The following EBF1 variants were observed in gnomAD, a reference collection of about 807,000 sequenced individuals.
EBF1 encodes the protein transcription factor COE1.
EBF1 carries 10 observed loss-of-function variants against 68.4 expected under a neutral mutation model. The observed-to-expected ratio is 0.15, with a 90% CI of 0.09 to 0.25. The LOEUF (loss-of-function observed/expected upper bound fraction) is 0.25. EBF1 is among the 10% of genes least tolerant of loss of function. The pLI, the probability that EBF1 is intolerant of heterozygous loss-of-function variation, is 1.00. For missense variants in EBF1, 509 were observed against 794.4 expected (o/e 0.64, Z 4.32); for synonymous variants, 298 against 299.8 (o/e 0.99, Z 0.06).
intron 8 of EBF1, among the ~76,000 whole-genome samples, chr5:158,810,023 A>G (rs1782346574): frequency 6.6e-6 from 1 of 152,200 alleles, no homozygotes; most frequent in Admixed American, 6.5e-5. Flanking sequence ...TAACCAAATC[A>G]AGGAGAGTTT....
At chr5:159,078,780 A>C (rs1779247713) in intron 5 of EBF1, among the ~76,000 whole-genome samples, 1 of 152,216 alleles carries the variant, frequency 6.6e-6, no homozygotes, top group Non-Finnish European at 1.5e-5. Flanking sequence ...TTTCCTCAGC[A>C]GGATTGTGTG....
chr5:159,064,156 G>A (rs1386720279), intron 6 of EBF1, among the ~76,000 whole-genome samples: 1 of 152,090 alleles, frequency 6.6e-6, no homozygotes, highest in Non-Finnish European at 1.5e-5. Context: ...ATGCATATAT[G>A]TGTGTGTATA....
At chr5:158,793,128 A>C (rs778620172) in intron 9 of EBF1, among the ~76,000 whole-genome samples, 100 of 152,180 alleles carry the variant, frequency 6.6e-4, no homozygotes, top group Non-Finnish European at 1.2e-3. Context: ...CCAAGCTTCA[A>C]TTTCCTCATC....
chr5:158,815,163 G>T (rs781087668), intron 8 of EBF1, among the ~76,000 whole-genome samples: 9 of 152,184 alleles, frequency 5.9e-5, no homozygotes, highest in Non-Finnish European at 1.2e-4. Context: ...CTTAATTGCT[G>T]TGTGACTTTA....
intron 6 of EBF1, among the ~76,000 whole-genome samples, chr5:158,923,388 T>C (rs1220023077): frequency 6.6e-6 from 1 of 152,238 alleles, no homozygotes; most frequent in African/African-American, 2.4e-5. Flanking sequence ...TATTTAATGA[T>C]GAAAATGAAT....
intron 7 of EBF1, among the ~76,000 whole-genome samples, chr5:158,833,981 T>C (rs953457463): frequency 6.6e-6 from 1 of 152,240 alleles, no homozygotes; most frequent in African/African-American, 2.4e-5. Context: ...CTATTTACAT[T>C]CATATATAGT....
chr5:158,991,391 A>G (rs1243521221), intron 6 of EBF1, among the ~76,000 whole-genome samples: 1 of 152,250 alleles, frequency 6.6e-6, no homozygotes, highest in African/African-American at 2.4e-5. Flanking sequence ...TAGACATTCC[A>G]TTGAATAAAG....
intron 7 of EBF1, among the ~76,000 whole-genome samples, chr5:158,828,543 T>C (rs1479739642): frequency 1.3e-5 from 2 of 152,192 alleles, no homozygotes. Context: ...GATACAATTT[T>C]ATAGAACTAA....
intron 6 of EBF1, among the ~76,000 whole-genome samples, chr5:159,049,006 T>C (rs899017561): frequency 1.4e-4 from 22 of 152,246 alleles, no homozygotes; most frequent in Non-Finnish European, 2.9e-4. Context: ...ATAATGTACA[T>C]GGCATCCCAA....
At chr5:159,083,698 G>A (rs1780119493) in intron 5 of EBF1, among the ~76,000 whole-genome samples, 1 of 152,232 alleles carries the variant, frequency 6.6e-6, no homozygotes. Context: ...TCCATGCTGA[G>A]GCAGCAGCTG....
intron 5 of EBF1, among the ~76,000 whole-genome samples, chr5:159,083,723 T>C (rs1393493755): frequency 6.6e-6 from 1 of 152,144 alleles, no homozygotes; most frequent in African/African-American, 2.4e-5. Context: ...CCTAAACGGA[T>C]TGGTCAGTAA....
chr5:159,084,554 G>T, intron 5 of EBF1, 112 bp downstream of exon 5: 1 of 873,122 alleles, frequency 1.1e-6, no homozygotes, highest in Non-Finnish European at 1.6e-6. Context: ...GTCTATAGAA[G>T]CAAGACAAAT....
intron 9 of EBF1, among the ~76,000 whole-genome samples, chr5:158,786,572 C>G (rs900518874): frequency 6.6e-6 from 1 of 152,216 alleles, no homozygotes; most frequent in South Asian, 2.1e-4. Flanking sequence ...AGGAGAGCAT[C>G]AGACACCAGC....
intron 8 of EBF1, among the ~76,000 whole-genome samples, chr5:158,819,210 C>T (rs1333378043): frequency 1.3e-5 from 2 of 152,210 alleles, no homozygotes; most frequent in African/African-American, 2.4e-5. Flanking sequence ...CCTGACAAAG[C>T]CACTAGAGTG....
intron 6 of EBF1, among the ~76,000 whole-genome samples, chr5:158,937,763 G>A (rs1192766879): frequency 1.3e-5 from 2 of 152,308 alleles, no homozygotes; most frequent in Admixed American, 6.5e-5. Flanking sequence ...ATCTGCCTGG[G>A]CAGGGGGTGG....
At chr5:158,895,994 A>C (rs1376338270) in intron 6 of EBF1, among the ~76,000 whole-genome samples, 1 of 152,310 alleles carries the variant, frequency 6.6e-6, no homozygotes, top group African/African-American at 2.4e-5. Flanking sequence ...GGAATTCCCA[A>C]TTACTGTATA....
At chr5:158,793,328 G>A (rs1779006703) in intron 9 of EBF1, among the ~76,000 whole-genome samples, 1 of 152,110 alleles carries the variant, frequency 6.6e-6, no homozygotes, top group African/African-American at 2.4e-5. Context: ...TACAATGCAA[G>A]CCTTGACAAA....
At chr5:158,770,642 G>C (rs1264457619) in intron 10 of EBF1, among the ~76,000 whole-genome samples, 1 of 152,086 alleles carries the variant, frequency 6.6e-6, no homozygotes, top group South Asian at 2.1e-4. Flanking sequence ...CCAAGGTACC[G>C]TGTTTCCTCC....
chr5:159,078,995 C>T (rs1779284980), intron 5 of EBF1, among the ~76,000 whole-genome samples: 2 of 152,174 alleles, frequency 1.3e-5, no homozygotes, highest in South Asian at 4.1e-4. Context: ...AGGAGGAAAG[C>T]ATCATTTCAA....
Sources: allele counts gnomAD v4.1 joint callset (sites outside exome capture counted in the v4.1 genomes callset), GRCh38; gene constraint gnomAD v4.1.1; transcripts MANE v1.5; gene names NCBI Gene and HGNC (gene_info 2026-07-23, HGNC 2026-07-21).